Variants in EDARADD observed in about 807,000 individuals in gnomAD.
EDARADD encodes ectodysplasin-A receptor-associated adapter protein.
A neutral mutation model predicts 25.6 loss-of-function variants in EDARADD; 20 were observed. The ratio of observed to expected loss-of-function variants is 0.78; its 90% CI spans 0.55 to 1.14. The LOEUF (loss-of-function observed/expected upper bound fraction) is 1.14. EDARADD is among the 50% of genes most tolerant of loss of function. The pLI is 0.00. For synonymous variants in EDARADD, 86 were observed against 94.4 expected (o/e 0.91, Z 0.52); for missense variants, 225 against 270.1 (o/e 0.83, Z 1.17).
chr1:236,358,289 AT>A lies in EDARADD; in HGVS notation c.-6+7454del, dbSNP rs567138403. ...CTCAACTCATTGGAATACTTATTCTATTTTATGGAATGAACTGTTGCCCAAT... is the reference window on the plus strand; with the variant it reads ...CTCAACTCATTGGAATACTTATTCTATTTATGGAATGAACTGTTGCCCAAT... On this transcript the variant is annotated intron_variant, in intron 3 of 7. Coordinates refer to the EDARADD transcript ENST00000439430. Among the ~76,000 whole-genome samples the A allele has an allele frequency of 3.0e-3, 450 of 152,378 alleles. 1 individual carries two copies. The highest frequency in any genetic ancestry group is 5.8e-3 in the Non-Finnish European group (392 of 68,036).
chr1:236,402,050 C>T (rs1667623142), intron 1 of EDARADD, among the ~76,000 whole-genome samples: 1 of 152,166 alleles, frequency 6.6e-6, no homozygotes, highest in Admixed American at 6.5e-5. Context: ...CAACCTCCAC[C>T]TCCCGGGTTC....
At chr1:236,454,983 G>A (rs371643612) in intron 4 of EDARADD, among the ~76,000 whole-genome samples, 11 of 152,230 alleles carry the variant, frequency 7.2e-5, no homozygotes, top group East Asian at 1.9e-4. Flanking sequence ...AGGCCAAGGC[G>A]GGCAGATCAT....
chr1:236,457,615 T>C (rs749411227), intron 4 of EDARADD, among the ~76,000 whole-genome samples: 3 of 151,952 alleles, frequency 2.0e-5, no homozygotes, highest in African/African-American at 4.8e-5. Flanking sequence ...GGTCAGGAGA[T>C]AGAGACCATC....
rs1418053782 is a variant in EDARADD at position 236,456,627 on chromosome 1, G to T, written c.220-11604G>T. Reference sequence around the variant, plus strand: ...GTGTGCCTCTGCCACCACAGGAATGGCCACGCCTCAGATCATGTCACCGCT... The same window carrying T: ...GTGTGCCTCTGCCACCACAGGAATGTCCACGCCTCAGATCATGTCACCGCT... On this transcript the variant is annotated intron_variant, in intron 4 of 5. Coordinates refer to ENST00000334232, the MANE Select transcript of EDARADD (RefSeq NM_145861.4). Among the ~76,000 whole-genome samples the T allele has an allele frequency of 3.3e-5, 5 of 152,120 alleles. No homozygotes were observed. In the East Asian group the frequency reaches 9.7e-4, roughly 29 times the overall value.
intron 3 of EDARADD, among the ~76,000 whole-genome samples, chr1:236,379,130 GA>G (rs1470079297): frequency 1.3e-5 from 2 of 152,152 alleles, no homozygotes; most frequent in Non-Finnish European, 1.5e-5. Flanking sequence ...AGCACTTTGA[GA>G]GGCCAAGGCG....
In EDARADD at chr1:236,395,313, C is replaced by G. The variant is rs1181858074; in HGVS notation, c.61+808C>G. 8.0e-7 allele frequency: 1 copy of G among 1,255,912 alleles called. No individual in the cohort carries two copies. The highest frequency in any genetic ancestry group is 1.0e-6 in the Non-Finnish European group (1 of 990,084). The allele number at this position is 1,255,912 out of a possible 1,614,324, so 77.8% of individuals were successfully genotyped here. A position where few individuals can be genotyped will look rare whatever the true frequency, so the allele number is the denominator to read the frequency against. ...GGGCGCTGGGGACGCCCGGGACACT[C>G]GGGGCCCCGCCTTGCGTCCCAGCCC... On this transcript the variant is annotated intron_variant, in intron 1 of 5. Coordinates refer to ENST00000334232, the MANE Select transcript of EDARADD (RefSeq NM_145861.4). The surrounding 1 kb of genome is among the most constrained non-coding windows in gnomAD (Gnocchi z 6.9).
At chr1:236,464,931 C>T (rs1320947059) in intron 4 of EDARADD, among the ~76,000 whole-genome samples, 2 of 152,128 alleles carry the variant, frequency 1.3e-5, no homozygotes, top group East Asian at 1.9e-4. Context: ...TCATCTCCTG[C>T]CCTGGCCTCT....
chr1:236,439,373 T>C (rs1322476604), intron 4 of EDARADD, among the ~76,000 whole-genome samples: 1 of 152,226 alleles, frequency 6.6e-6, no homozygotes, highest in African/African-American at 2.4e-5. Flanking sequence ...CCAAGAAGCA[T>C]GATTGCTGGC....
intron 1 of EDARADD, among the ~76,000 whole-genome samples, chr1:236,405,210 C>CA (rs1667685699): frequency 6.6e-6 from 1 of 152,076 alleles, no homozygotes; most frequent in African/African-American, 2.4e-5. Flanking sequence ...CTTCAGAAAA[C>CA]AAAAAAACCT....
At chr1:236,420,730 C>T (rs1258121861) in intron 3 of EDARADD, among the ~76,000 whole-genome samples, 4 of 152,022 alleles carry the variant, frequency 2.6e-5, no homozygotes, top group Admixed American at 1.3e-4. Context: ...TTTGATATCA[C>T]GTTGTTAATC....
rs566038446 is a variant in EDARADD, at chr1:236,477,338, AC to A, written c.266-4925del. Among the ~76,000 whole-genome samples, 618 of 151,874 alleles carry A rather than the reference AC, an allele frequency of 4.1e-3. 1 individual carries two copies. The highest frequency in any genetic ancestry group is 6.8e-3 in the Middle Eastern group (2 of 294). On this transcript the variant is annotated intron_variant, in intron 5 of 5. Coordinates refer to ENST00000334232, the MANE Select transcript of EDARADD (RefSeq NM_145861.4). ...AGACCATCCTGGCTAACAGAGTGAA[AC>A]CCCGTCTCTACTAAAAATACAAAAA...
chr1:236,385,773 C>T (rs1667345602), intron 3 of EDARADD, among the ~76,000 whole-genome samples: 1 of 151,924 alleles, frequency 6.6e-6, no homozygotes, highest in Non-Finnish European at 1.5e-5. Context: ...AAGAGATTCT[C>T]TTGTATTCTC....
At chr1:236,462,401 G>C (rs1001629922) in intron 4 of EDARADD, among the ~76,000 whole-genome samples, 1 of 151,470 alleles carries the variant, frequency 6.6e-6, no homozygotes, top group Non-Finnish European at 1.5e-5. Flanking sequence ...TCCATTTTGG[G>C]TTGGTCTATT....
chr1:236,405,763 TTC>T (rs765585292), intron 1 of EDARADD, among the ~76,000 whole-genome samples: 20 of 57,780 alleles, frequency 3.5e-4, no homozygotes, highest in South Asian at 1.2e-3. Flanking sequence ...CTTTCTTTCT[TTC>T]TTTCTTTCTT....
At chr1:236,474,118 T>A (rs1296853092) in intron 5 of EDARADD, among the ~76,000 whole-genome samples, 1 of 152,076 alleles carries the variant, frequency 6.6e-6, no homozygotes, top group Non-Finnish European at 1.5e-5. Context: ...GTTGGAGCAC[T>A]GGGATTCGAA....
At chr1:236,382,371 C>T (rs1036372848) in intron 3 of EDARADD, among the ~76,000 whole-genome samples, 1 of 152,232 alleles carries the variant, frequency 6.6e-6, no homozygotes, top group East Asian at 1.9e-4. Flanking sequence ...CTCTACTTAG[C>T]TTGTTGAACC....
intron 4 of EDARADD, among the ~76,000 whole-genome samples, chr1:236,460,006 A>C (rs1658995677): frequency 6.6e-6 from 1 of 152,042 alleles, no homozygotes; most frequent in Non-Finnish European, 1.5e-5. Flanking sequence ...GCTTTGTAAC[A>C]CGTGGTTCCT....
chr1:236,455,917 A>G (rs1389835770), intron 4 of EDARADD, among the ~76,000 whole-genome samples: 4 of 151,792 alleles, frequency 2.6e-5, no homozygotes, highest in East Asian at 1.9e-4. Context: ...AGCCTCCTGA[A>G]TAGCTGGGAC....
chr1:236,355,534 A>T, intron 3 of EDARADD, among the ~76,000 whole-genome samples: 1 of 97,988 alleles, frequency 1.0e-5, no homozygotes. Flanking sequence ...TTTGAGACAG[A>T]GTTTCGCTCT....
Sources: allele counts gnomAD v4.1 joint callset (sites outside exome capture counted in the v4.1 genomes callset), GRCh38; gene constraint gnomAD v4.1.1; non-coding constraint Gnocchi (gnomAD v3.1); transcripts MANE v1.5; gene names NCBI Gene and HGNC (gene_info 2026-07-23, HGNC 2026-07-21).